Variants in TTLL9 observed in about 807,000 individuals in gnomAD.
TTLL9 encodes the protein probable tubulin polyglutamylase TTLL9.
Under a neutral mutation model 65.6 loss-of-function variants are expected in TTLL9, and 47 were observed. The ratio of observed to expected loss-of-function variants is 0.72; its 90% confidence interval spans 0.57 to 0.91. The LOEUF (loss-of-function observed/expected upper bound fraction) is 0.91. Among genes scored for constraint, TTLL9 ranks in the 40% least tolerant of loss-of-function variants. TTLL9 has a pLI of 0.00. For missense variants in TTLL9, 537 were observed against 568.8 expected, an observed-to-expected ratio of 0.94 and a Z score of 0.57; for synonymous variants, 179 against 204.8, an observed-to-expected ratio of 0.87 and a Z score of 1.07.
In TTLL9 at chr20:31,911,831, C is replaced by CGTGT. The variant is rs55996863; in HGVS notation, c.504+1950_504+1953dup. On this transcript the variant is annotated intron_variant, in intron 6 of 14. Transcript: ENST00000535842. ...GGCATCTTGGCTCGGTGTGTCTGTG[C>CGTGT]GTGTGTGTGTGTGTGTGTGTGTGTG... is the stretch of plus-strand genomic sequence containing the variant. Among the ~76,000 whole-genome samples the CGTGT allele has an allele frequency of 8.5e-3, 1,215 of 142,298 alleles. 7 individuals are homozygous for CGTGT. The highest frequency in any genetic ancestry group is 0.024 in the Middle Eastern group (7 of 286). 93.4% of individuals were successfully genotyped at this position (142,298 alleles called of 152,430 possible).
At chr20:31,899,312 A>G (rs2063435927) in intron 4 of TTLL9, among the ~76,000 whole-genome samples, 1 of 152,110 alleles carries the variant, frequency 6.6e-6, no homozygotes, top group Admixed American at 6.5e-5. Context: ...CACATTCCAA[A>G]CAGCAGGAGG....
chr20:31,881,679 C>T (rs1017514121), intron 2 of TTLL9, among the ~76,000 whole-genome samples: 1 of 147,868 alleles, frequency 6.8e-6, no homozygotes, highest in East Asian at 2.0e-4. Flanking sequence ...GAACACGGCT[C>T]ACTGAAGCTT....
At chr20:31,891,467 ATTGAC>A (rs1352721801) in intron 3 of TTLL9, among the ~76,000 whole-genome samples, 15 of 148,094 alleles carry the variant, frequency 1.0e-4, no homozygotes, top group African/African-American at 3.4e-4. Flanking sequence ...TGTCTCCTCT[ATTGAC>A]TTTTAGCTAA....
chr20:31,874,926 T>A (rs906236006), intron 2 of TTLL9, among the ~76,000 whole-genome samples: 15 of 152,150 alleles, frequency 9.9e-5, no homozygotes, highest in African/African-American at 3.6e-4. Context: ...AAACAGATTA[T>A]CCTAGAGTTT....
intron 6 of TTLL9, among the ~76,000 whole-genome samples, chr20:31,910,521 A>G (rs955930328): frequency 3.9e-5 from 6 of 152,194 alleles, no homozygotes; most frequent in African/African-American, 9.7e-5. Flanking sequence ...TGAAGAAGTG[A>G]GAGACTGGAT....
At chr20:31,925,879 C>T (rs889839490) in intron 9 of TTLL9, 170 bp from the exon 10 acceptor site, 2 of 1,551,580 alleles carry the variant, frequency 1.3e-6, no homozygotes, top group African/African-American at 1.4e-5. Context: ...TTAGTACATC[C>T]CGCTGCGGGC....
At chr20:31,874,629 TG>T (rs2063012090) in intron 2 of TTLL9, among the ~76,000 whole-genome samples, 1 of 152,108 alleles carries the variant, frequency 6.6e-6, no homozygotes, top group African/African-American at 2.4e-5. Context: ...AGGCTGGTCC[TG>T]AACTCCTGAC....
At chr20:31,873,752 G>GA (rs2062983437) in intron 2 of TTLL9, among the ~76,000 whole-genome samples, 1 of 136,910 alleles carries the variant, frequency 7.3e-6, no homozygotes, top group South Asian at 2.3e-4. Flanking sequence ...AAGGAAGGAA[G>GA]AAAGAAAGAA....
intron 14 of TTLL9, chr20:31,941,323 A>G (rs1194827284): frequency 2.0e-5 from 3 of 152,110 alleles, no homozygotes; most frequent in African/African-American, 7.2e-5. Flanking sequence ...ACATTGTTGC[A>G]GCCTTCTTTG....
intron 6 of TTLL9, among the ~76,000 whole-genome samples, chr20:31,918,276 G>A (rs1267613170): frequency 6.6e-6 from 1 of 152,134 alleles, no homozygotes; most frequent in Non-Finnish European, 1.5e-5. Context: ...AAGTGGCAGT[G>A]TTTGTCCGAG....
chr20:31,893,175 AG>A (rs2063331744), intron 3 of TTLL9, among the ~76,000 whole-genome samples: 1 of 152,076 alleles, frequency 6.6e-6, no homozygotes, highest in African/African-American at 2.4e-5. Flanking sequence ...TTTTAAGTAA[AG>A]TTTTACTGGA....
intron 2 of TTLL9, among the ~76,000 whole-genome samples, chr20:31,878,151 T>C (rs2063062618): frequency 6.6e-6 from 1 of 152,262 alleles, no homozygotes; most frequent in Non-Finnish European, 1.5e-5. Flanking sequence ...TCCAATCAGC[T>C]ATGGTTGGTA....
chr20:31,925,124 G>T (rs2063878598), intron 9 of TTLL9, 75 bp downstream of exon 9: 8 of 1,487,144 alleles, frequency 5.4e-6, no homozygotes, highest in Non-Finnish European at 7.5e-6. Flanking sequence ...GGGGGAAGAG[G>T]CCTGGGGGTA....
intron 7 of TTLL9, among the ~76,000 whole-genome samples, chr20:31,921,645 A>G (rs1478613259): frequency 6.6e-6 from 1 of 152,200 alleles, no homozygotes; most frequent in African/African-American, 2.4e-5. Context: ...ATGCTGCCAT[A>G]AAAAAGGATG....
Position 31,870,774 on chromosome 20 carries a change from C to T in TTLL9, c.-181C>T. ...GCGGATGGGGGGATGTCGCCTAGAG[C>T]CCCCCGGCCGGCCCACAAACTCCCG... On this transcript the variant is annotated 5_prime_UTR_variant, in exon 1 of 15. Transcript: ENST00000535842. This position sits in a 1 kb window ranked among gnomAD's most constrained non-coding sequence, Gnocchi z 6.6. 2.0e-6 allele frequency: 1 copy of T among 490,046 alleles called. No individual in the cohort carries two copies. The highest frequency in any genetic ancestry group is 3.5e-6 in the Non-Finnish European group (1 of 288,892). 30.4% of individuals were successfully genotyped at this position (490,046 alleles called of 1,614,324 possible).
At chr20:31,929,652 C>G (rs897704470) in intron 10 of TTLL9, among the ~76,000 whole-genome samples, 8 of 152,028 alleles carry the variant, frequency 5.3e-5, no homozygotes, top group Non-Finnish European at 7.4e-5. Context: ...TTCTAATCCC[C>G]CATGCTGCAG....
intron 5 of TTLL9, 119 bp downstream of exon 5, chr20:31,908,821 T>C: frequency 1.2e-6 from 1 of 822,598 alleles, no homozygotes; most frequent in Admixed American, 2.1e-5. Flanking sequence ...CAACGCCGAG[T>C]GGGAAGTCTG....
At chr20:31,882,808 C>A (rs749220680) in intron 2 of TTLL9, among the ~76,000 whole-genome samples, 1 of 152,116 alleles carries the variant, frequency 6.6e-6, no homozygotes, top group Non-Finnish European at 1.5e-5. Context: ...AACTGCTGGG[C>A]AAAATGTAAC....
At chr20:31,903,300 A>G (rs1288412980) in intron 4 of TTLL9, among the ~76,000 whole-genome samples, 1 of 152,222 alleles carries the variant, frequency 6.6e-6, no homozygotes, top group African/African-American at 2.4e-5. Context: ...TCTTCCTTGA[A>G]GAAATATCTA....
Sources: gnomAD v4.1 joint callset for allele counts (sites outside exome capture counted in the v4.1 genomes callset) on GRCh38, gnomAD v4.1.1 for gene constraint, Gnocchi (gnomAD v3.1) non-coding constraint, MANE v1.5 for transcripts, NCBI Gene and HGNC (gene_info 2026-07-23, HGNC 2026-07-21) for gene names.